The following STPG1 variants were observed in gnomAD, a reference collection of about 807,000 sequenced individuals.
STPG1 encodes the protein sperm tail PG-rich repeat containing 1, also known as O(6)-methylguanine-induced apoptosis 2.
STPG1 carries 33 observed loss-of-function variants against 40.1 expected under a neutral mutation model. That is an observed-to-expected ratio of 0.82 (90% CI 0.62 to 1.10). The LOEUF is 1.10. Ranked by LOEUF, STPG1 falls within the 50% of genes least tolerant of loss-of-function variation. The probability of loss-of-function intolerance (pLI) is 0.00; values close to 1 mark genes in which losing one functional copy is unlikely to be tolerated. For missense variants in STPG1, 396 were observed against 415.1 expected (o/e 0.95, Z 0.40); for synonymous variants, 150 against 155.0 (o/e 0.97, Z 0.24).
At chr1:24,377,843 T>C (rs772363929) in intron 5 of STPG1, among the ~76,000 whole-genome samples, 4 of 152,218 alleles carry the variant, frequency 2.6e-5, no homozygotes, top group Non-Finnish European at 5.9e-5. Context: ...GTGCAAATGA[T>C]GCCTTCAAGC....
intron 6 of STPG1, 41 bp downstream of exon 6, chr1:24,373,661 C>G (rs1557439582): frequency 7.2e-7 from 1 of 1,389,404 alleles, no homozygotes; most frequent in African/African-American, 1.4e-5. Flanking sequence ...ATCTGGGACA[C>G]TTAACCCTTA....
intron 1 of STPG1, among the ~76,000 whole-genome samples, chr1:24,403,254 C>G (rs948950844): frequency 6.6e-6 from 1 of 152,150 alleles, no homozygotes; most frequent in Non-Finnish European, 1.5e-5. Flanking sequence ...GCACACTCAT[C>G]AAAAATCTAC....
intron 7 of STPG1, chr1:24,364,417 C>T: frequency 6.7e-7 from 1 of 1,491,044 alleles, no homozygotes; most frequent in Non-Finnish European, 8.9e-7. Context: ...CAGGTCACAT[C>T]TGAGAGCTCT....
chr1:24,391,502 T>C, intron 3 of STPG1, 59 bp downstream of exon 3: 2 of 1,102,996 alleles, frequency 1.8e-6, no homozygotes, highest in South Asian at 2.8e-5. Context: ...AGAACGTGCC[T>C]GTCCCGCAAG....
At chr1:24,413,399 G>A (rs1392723764) in intron 1 of STPG1, among the ~76,000 whole-genome samples, 1 of 152,234 alleles carries the variant, frequency 6.6e-6, no homozygotes, top group Admixed American at 6.5e-5. Context: ...AGAAGGGTCG[G>A]ACGCCCACGC....
chr1:24,411,058 C>T (rs1267210185), intron 1 of STPG1, among the ~76,000 whole-genome samples: 1 of 152,194 alleles, frequency 6.6e-6, no homozygotes, highest in Non-Finnish European at 1.5e-5. Context: ...AAGTGGTTAA[C>T]ACTGCCTATC....
intron 1 of STPG1, among the ~76,000 whole-genome samples, chr1:24,409,196 C>CA (rs1295216978): frequency 1.3e-5 from 2 of 152,018 alleles, no homozygotes; most frequent in Non-Finnish European, 2.9e-5. Flanking sequence ...TCCGTCTCTA[C>CA]AAAAAATATA....
At position 24,395,036 on chromosome 1, in the gene STPG1, A is replaced by C. The variant is rs569410918; in HGVS notation, c.71-3357T>G. ...GACACCGTAGGCCAACCATAATCAA[A>C]TTGCTTAAAAAGTGATAAGAAGAAA... On this transcript the variant is annotated intron_variant, in intron 2 of 8. Coordinates refer to ENST00000337248, the MANE Select transcript of STPG1 (RefSeq NM_001199013.2). Among the ~76,000 whole-genome samples, 14 of 152,216 alleles carry C rather than the reference A, an allele frequency of 9.2e-5. No individual in the cohort carries two copies. In the South Asian group the frequency reaches 2.3e-3, roughly 25 times the overall value.
intron 3 of STPG1, among the ~76,000 whole-genome samples, chr1:24,390,612 T>C (rs887678938): frequency 2.6e-5 from 4 of 152,048 alleles, no homozygotes; most frequent in African/African-American, 9.7e-5. Flanking sequence ...AGAGATGGGG[T>C]TTCACCATGT....
At chr1:24,372,854 G>A (rs1303195937) in intron 6 of STPG1, among the ~76,000 whole-genome samples, 1 of 152,156 alleles carries the variant, frequency 6.6e-6, no homozygotes, top group South Asian at 2.1e-4. Flanking sequence ...AGGGCTTCTG[G>A]GGTTGGGGTG....
intron 1 of STPG1, among the ~76,000 whole-genome samples, chr1:24,406,705 T>C (rs1261318467): frequency 6.6e-6 from 1 of 152,206 alleles, no homozygotes; most frequent in Non-Finnish European, 1.5e-5. Flanking sequence ...TACTCCTTTG[T>C]CTTCTGACAT....
At chr1:24,413,510 G>A (rs2148723075) in intron 1 of STPG1, among the ~76,000 whole-genome samples, 164 bp downstream of exon 1, 1 of 152,394 alleles carries the variant, frequency 6.6e-6, no homozygotes, top group African/African-American at 2.4e-5. Context: ...CTCCCATGGT[G>A]GCTTCTTCCC....
chr1:24,401,554 TGTGGGTG>T, intron 1 of STPG1, 98 bp from the exon 2 acceptor site: 26 of 643,580 alleles, frequency 4.0e-5, no homozygotes, highest in East Asian at 4.0e-4. Flanking sequence ...TGAGAAATGG[TGTGGGTG>T]CCGGCTGAGA....
chr1:24,390,572 C>T (rs1313028223), intron 3 of STPG1, among the ~76,000 whole-genome samples: 4 of 152,006 alleles, frequency 2.6e-5, no homozygotes, highest in Admixed American at 6.6e-5. Context: ...GTGTGCGCCA[C>T]CACTCCCAGC....
chr1:24,357,965 A>C lies in STPG1; in HGVS notation c.*578T>G, dbSNP rs961466113. On this transcript the variant is annotated 3_prime_UTR_variant, in exon 9 of 9. Transcript: ENST00000337248. ...AAAAGGAGTAAAGAGAGGTCTTTCC[A>C]AACAGGTGGTCACTTTAGAAAGGAA... 8 of 345,392 alleles carry C rather than the reference A, an allele frequency of 2.3e-5. No individual in the cohort carries two copies. Among genetic ancestry groups the C allele is most frequent in the Admixed American group, 1.1e-4 (3 of 26,356 alleles). The allele number at this position is 345,392 out of a possible 1,614,324, so 21.4% of individuals were successfully genotyped here.
At chr1:24,378,374 G>A (rs1025685600) in intron 5 of STPG1, among the ~76,000 whole-genome samples, 2 of 152,114 alleles carry the variant, frequency 1.3e-5, no homozygotes, top group Non-Finnish European at 2.9e-5. Context: ...GGTGGCTCCC[G>A]CCTGTAATCC....
chr1:24,373,828 A>C lies in STPG1; in HGVS notation c.463-18T>G. 2 of 1,520,144 alleles carry C rather than the reference A, an allele frequency of 1.3e-6. No individual in the cohort carries two copies. The highest frequency in any genetic ancestry group is 1.8e-6 in the Non-Finnish European group (2 of 1,096,352). 94.2% of individuals were successfully genotyped at this position (1,520,144 alleles called of 1,614,324 possible). On this transcript the variant is annotated intron_variant, in intron 5 of 8. Transcript: ENST00000337248. ...ACAGAGGCCTAGGGGGAGAAAATAC[A>C]CCCAATGTACTCAGTACCTTTCCTT...
At chr1:24,408,663 G>A (rs1643501217) in intron 1 of STPG1, among the ~76,000 whole-genome samples, 1 of 152,348 alleles carries the variant, frequency 6.6e-6, no homozygotes, top group African/African-American at 2.4e-5. Flanking sequence ...GTTGTCCAAT[G>A]TGAGTTGTTT....
At chr1:24,383,669 C>G (rs868141840) in intron 4 of STPG1, among the ~76,000 whole-genome samples, 8 of 152,314 alleles carry the variant, frequency 5.3e-5, no homozygotes, top group Middle Eastern at 3.4e-3. Context: ...GGATCAAGTT[C>G]TCAAGATTCC....
Sources: gnomAD v4.1 joint callset for allele counts (sites outside exome capture counted in the v4.1 genomes callset) on GRCh38, gnomAD v4.1.1 for gene constraint, MANE v1.5 for transcripts, NCBI Gene and HGNC (gene_info 2026-07-23, HGNC 2026-07-21) for gene names.